Variants in PRRC2B observed in about 807,000 individuals in gnomAD.
The protein encoded by PRRC2B is protein PRRC2B.
Under a neutral mutation model 242.3 loss-of-function variants are expected in PRRC2B, and 68 were observed. The observed-to-expected ratio is 0.28, with a 90% CI of 0.23 to 0.34. The LOEUF (loss-of-function observed/expected upper bound fraction) is 0.34, where lower values mean the gene tolerates loss of function less well. Ranked by LOEUF, PRRC2B falls within the 10% of genes least tolerant of loss-of-function variation. The pLI is 1.00. For missense variants in PRRC2B, 2,835 were observed against 2,954.8 expected, an observed-to-expected ratio of 0.96 and a Z score of 0.94; for synonymous variants, 1,228 against 1,173.6, an observed-to-expected ratio of 1.05 and a Z score of -0.95.
Position 131,434,550 on chromosome 9 carries a change from G to T in PRRC2B, c.293+1756G>T, listed in dbSNP as rs913024152. ...GTGCTTAGTTTTGGAGAACACAAAAGTGCGACTACTTGGAAGCTTCTCTTT... is the reference window on the plus strand; with the variant it reads ...GTGCTTAGTTTTGGAGAACACAAAATTGCGACTACTTGGAAGCTTCTCTTT... On this transcript the variant is annotated intron_variant, in intron 3 of 31. Coordinates refer to ENST00000683519, the MANE Select transcript of PRRC2B (RefSeq NM_013318.4). 6.6e-5 allele frequency among the ~76,000 whole-genome samples: 10 copies of T among 152,384 alleles called. No individual in the cohort carries two copies. The East Asian group carries it at 1.4e-3, about 21-fold the overall frequency.
Position 131,487,843 on chromosome 9 carries a change from C to G in PRRC2B, c.5985-13C>G. 1 of 1,599,638 alleles carries G rather than the reference C, an allele frequency of 6.3e-7. No homozygotes were observed. Among genetic ancestry groups the G allele is most frequent in the Non-Finnish European group, 8.6e-7 (1 of 1,168,388 alleles). ...CATCCACCTGATCCCGACCATCTGTCTGGCTTTTGCAGATCTCAGGTGTAC... is the reference window on the plus strand; with the variant it reads ...CATCCACCTGATCCCGACCATCTGTGTGGCTTTTGCAGATCTCAGGTGTAC... On this transcript the variant is annotated splice_polypyrimidine_tract_variant and intron_variant, in intron 27 of 31. Transcript: ENST00000683519. This position sits in a 1 kb window ranked among gnomAD's most constrained non-coding sequence, Gnocchi z 5.3.
intron 1 of PRRC2B, among the ~76,000 whole-genome samples, chr9:131,376,223 G>A (rs964060721): frequency 3.3e-5 from 5 of 151,362 alleles, no homozygotes; most frequent in South Asian, 2.1e-4. Context: ...GTATGGTGGC[G>A]CGCGTCTGTA....
intron 19 of PRRC2B, among the ~76,000 whole-genome samples, chr9:131,481,186 T>C (rs1943851435): frequency 6.6e-6 from 1 of 151,410 alleles, no homozygotes; most frequent in Non-Finnish European, 1.5e-5. Context: ...GGCGGGCACC[T>C]ATAGTCCCAG....
At chr9:131,420,500 T>TCTTTCTTTCTTTTCTTTC (rs1380661357) in intron 1 of PRRC2B, among the ~76,000 whole-genome samples, 3 of 96,346 alleles carry the variant, frequency 3.1e-5, no homozygotes, top group African/African-American at 7.9e-5. Flanking sequence ...TTTCTTTTTT[T>TCTTTCTTTCTTTTCTTTC]TTTTTTTTTT....
At chr9:131,469,782 A>G (rs528921893) in intron 13 of PRRC2B, among the ~76,000 whole-genome samples, 1 of 152,358 alleles carries the variant, frequency 6.6e-6, no homozygotes. Flanking sequence ...CTCCTGAGTC[A>G]GGCAAGGGCC....
At chr9:131,463,353 G>A (rs944574164) in intron 11 of PRRC2B, among the ~76,000 whole-genome samples, 2 of 152,066 alleles carry the variant, frequency 1.3e-5, no homozygotes, top group African/African-American at 4.8e-5. Context: ...ACAAGAAAAG[G>A]CCTAGATCCT....
chr9:131,394,419 C>A (rs1409761700), intron 1 of PRRC2B, among the ~76,000 whole-genome samples, 156 bp downstream of exon 1: 1 of 146,224 alleles, frequency 6.8e-6, no homozygotes, highest in Non-Finnish European at 1.5e-5. Context: ...CGGCCGCCGC[C>A]GCCTCCTTCC....
chr9:131,430,103 G>T lies in PRRC2B; in HGVS notation c.-42G>T, dbSNP rs778636778. The T allele has an allele frequency of 3.7e-6, 4 of 1,077,766 alleles. No homozygotes were observed. Among genetic ancestry groups the T allele is most frequent in the East Asian group, 2.6e-5 (1 of 38,924 alleles). The allele number at this position is 1,077,766 out of a possible 1,614,324, so 66.8% of individuals were successfully genotyped here. ...TCTATTTCAAAGGCAGATCGGGAGC[G>T]GTGCCGAGAAAAATTTCCTTACTAG... is the stretch of plus-strand genomic sequence containing the variant. On this transcript the variant is annotated 5_prime_UTR_variant, in exon 2 of 32. Transcript: ENST00000683519.
At chr9:131,460,482 C>T (rs1216743215) in intron 11 of PRRC2B, among the ~76,000 whole-genome samples, 2 of 152,166 alleles carry the variant, frequency 1.3e-5, no homozygotes, top group Non-Finnish European at 2.9e-5. Context: ...CCCACCAAGG[C>T]AACCACGACT....
intron 4 of PRRC2B, among the ~76,000 whole-genome samples, chr9:131,438,222 A>C (rs922030939): frequency 6.6e-6 from 1 of 152,138 alleles, no homozygotes; most frequent in African/African-American, 2.4e-5. Flanking sequence ...ATGTTAGTTG[A>C]GTGGAAAAGA....
At chr9:131,397,187 G>C (rs567881011) in intron 1 of PRRC2B, among the ~76,000 whole-genome samples, 2 of 152,190 alleles carry the variant, frequency 1.3e-5, no homozygotes, top group Non-Finnish European at 2.9e-5. Context: ...GGAGATAGTC[G>C]CTGCCTCTCC....
At chr9:131,492,290 G>C (rs748696473) in intron 30 of PRRC2B, 30 bp downstream of exon 30, 1 of 1,566,818 alleles carries the variant, frequency 6.4e-7, no homozygotes, top group South Asian at 1.1e-5. Context: ...ACTGCGTGCT[G>C]TGTAGCTGAG....
intron 13 of PRRC2B, among the ~76,000 whole-genome samples, chr9:131,469,351 A>G (rs1344909322): frequency 6.6e-6 from 1 of 152,022 alleles, no homozygotes; most frequent in Non-Finnish European, 1.5e-5. Flanking sequence ...AAAATAAAAT[A>G]AAATAAATAA....
At chr9:131,406,085 G>T (rs895403375) in intron 1 of PRRC2B, among the ~76,000 whole-genome samples, 4 of 152,048 alleles carry the variant, frequency 2.6e-5, no homozygotes, top group African/African-American at 9.7e-5. Flanking sequence ...CCTGGATTCA[G>T]CCCTCCCCGG....
chr9:131,394,054 G>T, upstream of PRRC2B: 3 of 150,198 alleles, frequency 2.0e-5, no homozygotes, highest in South Asian at 5.3e-4. Flanking sequence ...GCAGGCGGGG[G>T]GCGGGGAGCC....
intron 15 of PRRC2B, 105 bp from the exon 16 acceptor site, chr9:131,474,349 G>T: frequency 2.0e-6 from 2 of 1,000,686 alleles, no homozygotes; most frequent in Non-Finnish European, 2.9e-6. Context: ...AAGTGTTTTA[G>T]TTTTTGTTTT....
intron 9 of PRRC2B, among the ~76,000 whole-genome samples, chr9:131,454,865 A>T (rs147070229): frequency 8.1e-5 from 12 of 148,380 alleles, no homozygotes; most frequent in African/African-American, 3.1e-4. Context: ...CAAACTCCTG[A>T]CCTCATGATC....
intron 1 of PRRC2B, among the ~76,000 whole-genome samples, chr9:131,420,475 T>TTCTCTCTC (rs1334983168): frequency 7.1e-5 from 1 of 14,052 alleles, no homozygotes; most frequent in Non-Finnish European, 2.2e-4. Context: ...CTTTCTTTCT[T>TTCTCTCTC]TCTTTCTTTC....
chr9:131,420,463 T>TC (rs1564278493), intron 1 of PRRC2B, among the ~76,000 whole-genome samples: 6 of 9,382 alleles, frequency 6.4e-4, no homozygotes, highest in African/African-American at 1.3e-3. Context: ...TTTTCTTTCT[T>TC]TCTTTCTTTC....
Sources: allele counts gnomAD v4.1 joint callset (sites outside exome capture counted in the v4.1 genomes callset), GRCh38; gene constraint gnomAD v4.1.1; non-coding constraint Gnocchi (gnomAD v3.1); transcripts MANE v1.5; gene names NCBI Gene and HGNC (gene_info 2026-07-23, HGNC 2026-07-21).